CAMK2A: variants seen among roughly 807,000 people sequenced by gnomAD.
The protein encoded by CAMK2A is calcium/calmodulin dependent protein kinase II alpha.
CAMK2A carries 7 observed loss-of-function variants against 79.2 expected under a neutral mutation model. That is an observed-to-expected ratio of 0.09 (90% CI 0.05 to 0.17). CAMK2A has a LOEUF of 0.17. CAMK2A is among the 10% of genes least tolerant of loss of function. CAMK2A has a pLI of 1.00. For missense variants in CAMK2A, 214 were observed against 646.4 expected, an observed-to-expected ratio of 0.33 and a Z score of 7.25; for synonymous variants, 242 against 251.7, an observed-to-expected ratio of 0.96 and a Z score of 0.36.
At chr5:150,245,571 C>A (rs940364678) in intron 12 of CAMK2A, among the ~76,000 whole-genome samples, 1 of 152,212 alleles carries the variant, frequency 6.6e-6, no homozygotes, top group African/African-American at 2.4e-5. Flanking sequence ...GGCTGCCTGG[C>A]CCCAGGCTGG....
At chr5:150,227,051 C>T (rs545428421) in intron 17 of CAMK2A, among the ~76,000 whole-genome samples, 6 of 152,064 alleles carry the variant, frequency 3.9e-5, no homozygotes, top group African/African-American at 9.6e-5. Flanking sequence ...GGATTACATG[C>T]GTGAGCCACC....
intron 1 of CAMK2A, among the ~76,000 whole-genome samples, chr5:150,275,605 A>G (rs1302078472): frequency 6.6e-6 from 1 of 152,098 alleles, no homozygotes; most frequent in African/African-American, 2.4e-5. Flanking sequence ...CCCTCCTTTT[A>G]TCATTTTCTA....
intron 1 of CAMK2A, among the ~76,000 whole-genome samples, chr5:150,287,249 C>T (rs569211966): frequency 3.9e-4 from 59 of 152,356 alleles, no homozygotes; most frequent in Non-Finnish European, 1.5e-5. Flanking sequence ...CATACACAGT[C>T]TTCCCGATGT....
chr5:150,221,749 CAAA>C lies in CAMK2A; in HGVS notation c.*958_*960del, dbSNP rs35164363. On this transcript the variant is annotated 3_prime_UTR_variant, in exon 19 of 19. Coordinates refer to ENST00000671881, the MANE Select transcript of CAMK2A (RefSeq NM_015981.4). ...GTGACAAGGTCCACCTCAGAGATGA[CAAA>C]AAAAAAAAAAAAAACTAGAACAGAA... 2.4e-3 allele frequency: 772 copies of C among 315,854 alleles called. No individual in the cohort carries two copies. Among genetic ancestry groups the C allele is most frequent in the Middle Eastern group, 3.9e-3 (5 of 1,292 alleles). The allele number at this position is 315,854 out of a possible 1,614,324, so 19.6% of individuals were successfully genotyped here.
intron 2 of CAMK2A, among the ~76,000 whole-genome samples, chr5:150,266,583 G>T (rs192112312): frequency 6.6e-6 from 1 of 152,094 alleles, no homozygotes; most frequent in Non-Finnish European, 1.5e-5. Context: ...TCCAGAAGAG[G>T]AGACAGAGCT....
Position 150,256,688 on chromosome 5 carries a change from G to A in CAMK2A, c.339-43C>T. 2 of 1,608,442 alleles carry A rather than the reference G, an allele frequency of 1.2e-6. No individual in the cohort carries two copies. The highest frequency in any genetic ancestry group is 1.7e-6 in the Non-Finnish European group (2 of 1,174,914). On this transcript the variant is annotated intron_variant, in intron 5 of 18. Transcript: ENST00000671881. The surrounding 1 kb of genome is among the most constrained non-coding windows in gnomAD (Gnocchi z 4.6). ...AAGGGGTCATGGTGGTGTGAGCACA[G>A]GCCTCCCCTGGGAAGCTGACAGCAG... is the stretch of plus-strand genomic sequence containing the variant.
intron 15 of CAMK2A, among the ~76,000 whole-genome samples, chr5:150,235,493 C>A (rs1176332678): frequency 6.6e-6 from 1 of 152,248 alleles, no homozygotes; most frequent in African/African-American, 2.4e-5. Context: ...GATCATACAG[C>A]ATGCTAAGAC....
chr5:150,263,565 A>T (rs932446059), intron 3 of CAMK2A, among the ~76,000 whole-genome samples: 6 of 151,894 alleles, frequency 4.0e-5, no homozygotes, highest in African/African-American at 1.4e-4. Context: ...ACACTGTCAC[A>T]TACACACACA....
At chr5:150,228,785 G>A (rs749080559) in intron 16 of CAMK2A, among the ~76,000 whole-genome samples, 3 of 152,194 alleles carry the variant, frequency 2.0e-5, no homozygotes, top group Non-Finnish European at 4.4e-5. Flanking sequence ...GAAGGGGCGA[G>A]TTTTCTAATT....
Position 150,289,753 on chromosome 5 carries a change from A to G in CAMK2A, c.-128T>C, listed in dbSNP as rs1757587852. 2 of 683,220 alleles carry G rather than the reference A, an allele frequency of 2.9e-6. No individual in the cohort carries two copies. The highest frequency in any genetic ancestry group is 3.8e-5 in the South Asian group (2 of 53,172). 42.3% of individuals were successfully genotyped at this position (683,220 alleles called of 1,614,324 possible). A position where few individuals can be genotyped will look rare whatever the true frequency, so the allele number is the denominator to read the frequency against. On this transcript the variant is annotated 5_prime_UTR_variant, in exon 1 of 19. Transcript: ENST00000671881. ...CGAGTGCAAACAGAGAACCGGTTTG[A>G]CTGACGAGCCCGGGGCTTCTGAGCA...
In CAMK2A at chr5:150,272,764, G is replaced by A. The variant is rs757758045; in HGVS notation, c.157+301C>T. 3.7e-4 allele frequency among the ~76,000 whole-genome samples: 57 copies of A among 152,100 alleles called. 1 individual carries two copies. The highest frequency in any genetic ancestry group is 6.8e-4 in the Non-Finnish European group (46 of 67,990). ...GGCAAGGGTAGAGGTCTGGAGGGGA[G>A]AAGTGATGGCAAGTGGCAAGAGAGT... On this transcript the variant is annotated intron_variant, in intron 2 of 18. Coordinates refer to ENST00000671881, the MANE Select transcript of CAMK2A (RefSeq NM_015981.4).
chr5:150,228,426 T>C, intron 16 of CAMK2A, 140 bp from the exon 17 acceptor site: 1 of 628,696 alleles, frequency 1.6e-6, no homozygotes. Flanking sequence ...GCCAGGGGCT[T>C]GCAAGTTATA....
In CAMK2A at chr5:150,256,693, C is replaced by T. The variant is rs1756073754; in HGVS notation, c.339-48G>A. 1.2e-6 allele frequency: 2 copies of T among 1,608,754 alleles called. No homozygotes were observed. Among genetic ancestry groups the T allele is most frequent in the African/African-American group, 2.7e-5 (2 of 74,898 alleles). On this transcript the variant is annotated intron_variant, in intron 5 of 18. Coordinates refer to ENST00000671881, the MANE Select transcript of CAMK2A (RefSeq NM_015981.4). The surrounding 1 kb of genome is among the most constrained non-coding windows in gnomAD (Gnocchi z 4.6). ...GTCATGGTGGTGTGAGCACAGGCCT[C>T]CCCTGGGAAGCTGACAGCAGGCAAG...
At chr5:150,234,947 A>T (rs1403249153) in intron 15 of CAMK2A, among the ~76,000 whole-genome samples, 1 of 152,124 alleles carries the variant, frequency 6.6e-6, no homozygotes, top group Admixed American at 6.5e-5. Flanking sequence ...CTCTATGCCT[A>T]GTCTTCTCTT....
At chr5:150,230,748 T>C (rs563609944) in intron 16 of CAMK2A, among the ~76,000 whole-genome samples, 6 of 152,380 alleles carry the variant, frequency 3.9e-5, no homozygotes, top group African/African-American at 1.4e-4. Context: ...ATGTGATGTC[T>C]CATTTTATGT....
chr5:150,241,296 C>A (rs1293022424), intron 13 of CAMK2A, among the ~76,000 whole-genome samples: 1 of 152,096 alleles, frequency 6.6e-6, no homozygotes, highest in Non-Finnish European at 1.5e-5. Context: ...TGCAGTCAGC[C>A]CCTCATCTCC....
intron 11 of CAMK2A, among the ~76,000 whole-genome samples, chr5:150,248,460 T>G (rs1176687158): frequency 6.6e-6 from 1 of 150,646 alleles, no homozygotes; most frequent in Non-Finnish European, 1.5e-5. Flanking sequence ...ACATTAGGTA[T>G]ATCTCCTAAT....
chr5:150,266,972 G>C (rs1756540334), intron 2 of CAMK2A, among the ~76,000 whole-genome samples: 1 of 152,136 alleles, frequency 6.6e-6, no homozygotes, highest in Non-Finnish European at 1.5e-5. Context: ...GTCCTCCAAG[G>C]GCTGCAGAAG....
intron 1 of CAMK2A, among the ~76,000 whole-genome samples, chr5:150,282,325 T>C (rs1038450995): frequency 6.6e-6 from 1 of 152,224 alleles, no homozygotes; most frequent in Admixed American, 6.5e-5. Flanking sequence ...AGTTCCAACA[T>C]ATTCCTTGTT....
Sources: allele counts gnomAD v4.1 joint callset (sites outside exome capture counted in the v4.1 genomes callset), GRCh38; gene constraint gnomAD v4.1.1; non-coding constraint Gnocchi (gnomAD v3.1); transcripts MANE v1.5; gene names NCBI Gene and HGNC (gene_info 2026-07-23, HGNC 2026-07-21).